The following ADA variants were observed in gnomAD, a reference collection of about 807,000 sequenced individuals.
The protein encoded by ADA is adenosine deaminase.
Under a neutral mutation model 49.0 loss-of-function variants are expected in ADA, and 45 were observed. The observed-to-expected ratio is 0.92, with a 90% CI of 0.72 to 1.18. ADA has a LOEUF of 1.18. Ranked by LOEUF, ADA falls within the 50% of genes most tolerant of loss-of-function variation. ADA has a pLI of 0.00. For missense variants in ADA, 445 were observed against 472.5 expected (o/e 0.94, Z 0.54); for synonymous variants, 173 against 184.2 (o/e 0.94, Z 0.49).
chr20:44,637,113 A>G (rs1328748027), intron 1 of ADA, among the ~76,000 whole-genome samples: 1 of 152,042 alleles, frequency 6.6e-6, no homozygotes, highest in Non-Finnish European at 1.5e-5. Flanking sequence ...CCCAGGCTCC[A>G]TTTTCAAAAG....
chr20:44,651,012 C>T (rs1026748720), intron 1 of ADA, among the ~76,000 whole-genome samples: 3 of 152,214 alleles, frequency 2.0e-5, no homozygotes, highest in Non-Finnish European at 4.4e-5. Context: ...AACCCAGGGC[C>T]TACCTAGCTC....
chr20:44,633,744 A>C (rs2065454507), intron 2 of ADA, among the ~76,000 whole-genome samples: 1 of 152,238 alleles, frequency 6.6e-6, no homozygotes, highest in Non-Finnish European at 1.5e-5. Context: ...GGTTATAAAC[A>C]AGACTGAGAA....
chr20:44,650,170 T>C (rs985519824), intron 1 of ADA, among the ~76,000 whole-genome samples: 2 of 152,184 alleles, frequency 1.3e-5, no homozygotes, highest in Non-Finnish European at 2.9e-5. Flanking sequence ...CCAGCTCCAG[T>C]AAGACGTGAA....
chr20:44,642,807 G>A lies in ADA; in HGVS notation c.34-6519C>T, dbSNP rs182486679. Among the ~76,000 whole-genome samples the A allele has an allele frequency of 4.6e-5, 7 of 152,306 alleles. No individual in the cohort carries two copies. In the South Asian group the frequency reaches 8.3e-4, roughly 18 times the overall value. On this transcript the variant is annotated intron_variant, in intron 1 of 11. Transcript: ENST00000372874. ...ACATGCGGGAAGTACTCAAGGCAGC[G>A]TCAGAGACAGTGGGTGCTCAGCGGG...
chr20:44,639,992 G>A (rs1371244554), intron 1 of ADA, among the ~76,000 whole-genome samples: 1 of 152,042 alleles, frequency 6.6e-6, no homozygotes, highest in Non-Finnish European at 1.5e-5. Flanking sequence ...TGTGTGGTAT[G>A]CAGAAGGCCA....
At chr20:44,619,980 A>C in intron 11 of ADA, 133 bp from the exon 12 acceptor site, 2 of 1,239,902 alleles carry the variant, frequency 1.6e-6, no homozygotes, top group Non-Finnish European at 2.3e-6. Context: ...CCAAGACCAC[A>C]TAGGAAGAAA....
At chr20:44,635,713 A>G (rs980440454) in intron 2 of ADA, among the ~76,000 whole-genome samples, 1 of 152,174 alleles carries the variant, frequency 6.6e-6, no homozygotes, top group Non-Finnish European at 1.5e-5. Context: ...AGCCTGGCCA[A>G]CATGTGAAAC....
chr20:44,640,971 G>T (rs1389587942), intron 1 of ADA, among the ~76,000 whole-genome samples: 1 of 152,022 alleles, frequency 6.6e-6, no homozygotes, highest in Non-Finnish European at 1.5e-5. Context: ...ATATCTTGAT[G>T]TTGGACTTCT....
chr20:44,646,165 G>A (rs1403190474), intron 1 of ADA, among the ~76,000 whole-genome samples: 1 of 152,134 alleles, frequency 6.6e-6, no homozygotes, highest in Non-Finnish European at 1.5e-5. Flanking sequence ...CCCAGGTCAA[G>A]CCCACCCTGA....
chr20:44,633,511 C>G (rs1018125147), intron 2 of ADA, among the ~76,000 whole-genome samples: 1 of 152,160 alleles, frequency 6.6e-6, no homozygotes, highest in African/African-American at 2.4e-5. Context: ...GGCTTTGACT[C>G]TGAGTGAGAT....
At chr20:44,650,085 T>G (rs952029070) in intron 1 of ADA, among the ~76,000 whole-genome samples, 2 of 152,072 alleles carry the variant, frequency 1.3e-5, no homozygotes, top group African/African-American at 4.8e-5. Flanking sequence ...GTACAGTGGG[T>G]CCCCAGCCCA....
Position 44,624,310 on chromosome 20 carries a change from C to T in ADA, c.498G>A (p.Val166=), listed in dbSNP as rs2145315898. The change falls in exon 6 of 12, where the codon GTG becomes GTA. Residue 166 remains valine (V), a synonymous_variant. Transcript: ENST00000372874. ...GCTGCTGGTACTTCTTACACAGCTCCACCACCTTGGGGGACCAGTCTGTGG... is the reference window on the plus strand; with the variant it reads ...GCTGCTGGTACTTCTTACACAGCTCTACCACCTTGGGGGACCAGTCTGTGG... ...RHQPNWSPKV[V]ELCKKYQQQT... 3 of 1,613,866 alleles carry T rather than the reference C, an allele frequency of 1.9e-6. No individual in the cohort carries two copies. The highest frequency in any genetic ancestry group is 2.7e-5 in the African/African-American group (2 of 75,024).
chr20:44,623,425 A>G (rs1288332728), intron 6 of ADA, among the ~76,000 whole-genome samples: 1 of 152,026 alleles, frequency 6.6e-6, no homozygotes, highest in Non-Finnish European at 1.5e-5. Context: ...GGGCAGTGGG[A>G]CTCCAGAGCC....
At chr20:44,631,339 G>A (rs377518675) in intron 2 of ADA, among the ~76,000 whole-genome samples, 10 of 152,048 alleles carry the variant, frequency 6.6e-5, no homozygotes, top group African/African-American at 7.2e-5. Flanking sequence ...GCCCTGGTGC[G>A]GCATTGGCAC....
Position 44,646,465 on chromosome 20 carries a change from G to A in ADA, c.33+5110C>T, listed in dbSNP as rs146428224. Among the ~76,000 whole-genome samples the A allele has an allele frequency of 2.1e-3, 313 of 150,846 alleles. 5 individuals are homozygous for A. The highest frequency in any genetic ancestry group is 7.6e-3 in the African/African-American group (304 of 40,260). ...GTGTCAGGAAGACAAAAAGGAGGAG[G>A]GAGGAGGGAGATTCTGCAGCTGGAG... On this transcript the variant is annotated intron_variant, in intron 1 of 11. Transcript: ENST00000372874.
At chr20:44,642,544 G>C (rs773229378) in intron 1 of ADA, among the ~76,000 whole-genome samples, 1 of 152,204 alleles carries the variant, frequency 6.6e-6, no homozygotes, top group Admixed American at 6.5e-5. Context: ...GGAAGCAGGC[G>C]GGGAGTTGGC....
rs549066778 is a variant in ADA, at chr20:44,638,470, G to A, written c.34-2182C>T. 2.1e-4 allele frequency among the ~76,000 whole-genome samples: 32 copies of A among 152,268 alleles called. No homozygotes were observed. In the East Asian group the frequency reaches 6.0e-3, roughly 29 times the overall value. On this transcript the variant is annotated intron_variant, in intron 1 of 11. Transcript: ENST00000372874. ...CGCACACCTGTAATCCCAGCTACTT[G>A]GGAGGCTGAGACAGGAGAATCACCT...
chr20:44,624,260 G>T lies in ADA; in HGVS notation c.548C>A (p.Ala183Asp), dbSNP rs1163901568. The T allele has an allele frequency of 6.2e-7, 1 of 1,613,998 alleles. No individual in the cohort carries two copies. The highest frequency in any genetic ancestry group is 1.1e-5 in the South Asian group (1 of 91,070). The change falls in exon 6 of 12, where the codon GCT (alanine) becomes GAT (aspartate). Residue 183 changes from alanine (A) to aspartate (D), a missense_variant. Physicochemically the swap from Ala to Asp is moderately radical, Grantham distance 126 (BLOSUM62 -2). Transcript: ENST00000372874. ...QQQTVVAIDLAGDETIPGSSL... is the reference protein window; with the variant it reads ...QQQTVVAIDLDGDETIPGSSL... ...GCTTCCTGGGATGGTCTCATCTCCA[G>T]CCAGGTCAATGGCTACCACGGTCTG... is the stretch of plus-strand genomic sequence containing the variant.
At chr20:44,630,562 G>A (rs1332269585) in intron 2 of ADA, among the ~76,000 whole-genome samples, 1 of 152,086 alleles carries the variant, frequency 6.6e-6, no homozygotes, top group Non-Finnish European at 1.5e-5. Context: ...AAGAGAATGC[G>A]GCAGCAACTG....
Sources: gnomAD v4.1 joint callset for allele counts (sites outside exome capture counted in the v4.1 genomes callset) on GRCh38, gnomAD v4.1.1 for gene constraint, MANE v1.5 for transcripts, NCBI Gene and HGNC (gene_info 2026-07-23, HGNC 2026-07-21) for gene names.